The following CTNNA3 variants were observed in gnomAD, a reference collection of about 807,000 sequenced individuals.
CTNNA3 encodes catenin alpha-3.
A neutral mutation model predicts 95.7 loss-of-function variants in CTNNA3; 76 were observed. The observed-to-expected ratio is 0.79, with a 90% CI of 0.66 to 0.96. The LOEUF (loss-of-function observed/expected upper bound fraction) is 0.96. Ranked by LOEUF, CTNNA3 falls within the 40% of genes least tolerant of loss-of-function variation. CTNNA3 has a pLI of 0.00. For synonymous variants in CTNNA3, 431 were observed against 374.4 expected (o/e 1.15, Z -1.74); for missense variants, 1,191 against 1,089.8 (o/e 1.09, Z -1.31).
intron 13 of CTNNA3, among the ~76,000 whole-genome samples, chr10:66,250,228 A>C (rs1911473): frequency 3.3e-5 from 5 of 152,080 alleles, no homozygotes; most frequent in Non-Finnish European, 5.9e-5. Flanking sequence ...AATCAATTGA[A>C]TTCGTGGAGA....
intron 1 of CTNNA3, among the ~76,000 whole-genome samples, chr10:67,685,818 CTT>C (rs1208579558): frequency 6.6e-6 from 1 of 152,110 alleles, no homozygotes; most frequent in Non-Finnish European, 1.5e-5. Context: ...CTGACTCCCT[CTT>C]TGTCTCTTCC....
chr10:67,625,024 C>A (rs780993045), intron 2 of CTNNA3, among the ~76,000 whole-genome samples: 21 of 152,112 alleles, frequency 1.4e-4, no homozygotes, highest in Non-Finnish European at 2.6e-4. Context: ...TGACTTTTGA[C>A]CACGTAGGAG....
chr10:67,332,927 C>T (rs967861195), intron 5 of CTNNA3, among the ~76,000 whole-genome samples: 5 of 152,100 alleles, frequency 3.3e-5, no homozygotes, highest in African/African-American at 1.2e-4. Context: ...TGACTCTTTA[C>T]GTCAAGTCTC....
At chr10:66,895,726 G>A (rs1222423337) in intron 7 of CTNNA3, among the ~76,000 whole-genome samples, 2 of 151,952 alleles carry the variant, frequency 1.3e-5, no homozygotes, top group Non-Finnish European at 1.5e-5. Flanking sequence ...GAAGCCAGGA[G>A]GATTAATGGA....
intron 13 of CTNNA3, among the ~76,000 whole-genome samples, chr10:66,216,865 A>G (rs10996980): frequency 0.33 from 50,265 of 152,050 alleles, 9,127 homozygotes; most frequent in East Asian, 0.43. Context: ...GTATAGCTTC[A>G]TGCCATTTTA....
At chr10:66,733,190 T>C (rs1443005019) in intron 9 of CTNNA3, among the ~76,000 whole-genome samples, 2 of 152,154 alleles carry the variant, frequency 1.3e-5, no homozygotes, top group Non-Finnish European at 2.9e-5. Context: ...AAAAAACAAA[T>C]ATCTTCTTTC....
chr10:66,094,657 G>T (rs959297823), intron 14 of CTNNA3, among the ~76,000 whole-genome samples: 5 of 152,070 alleles, frequency 3.3e-5, no homozygotes, highest in Non-Finnish European at 5.9e-5. Context: ...GATTTCTTTG[G>T]TTAAAGGCAA....
rs529927922 is a variant in CTNNA3, at chr10:66,805,472, C to CAT, written c.1048-29950_1048-29949dup. Among the ~76,000 whole-genome samples the CAT allele has an allele frequency of 1.5e-3, 218 of 149,144 alleles. 1 individual carries two copies. Among genetic ancestry groups the CAT allele is most frequent in the African/African-American group, 5.2e-3 (211 of 40,852 alleles). Reference sequence around the variant, plus strand: ...TTTTTCACTTTCTGTCTCTAGATTCCATATATATACACATATATATACATA... The same window carrying CAT: ...TTTTTCACTTTCTGTCTCTAGATTCCATATATATATACACATATATATACATA... On this transcript the variant is annotated intron_variant, in intron 7 of 17. Transcript: ENST00000433211.
At chr10:66,900,282 G>A (rs1159287699) in intron 7 of CTNNA3, among the ~76,000 whole-genome samples, 1 of 152,166 alleles carries the variant, frequency 6.6e-6, no homozygotes, top group Non-Finnish European at 1.5e-5. Flanking sequence ...TGAGGGGCCT[G>A]ACTGTTACAA....
chr10:66,384,474 T>A (rs1248959916), intron 11 of CTNNA3, among the ~76,000 whole-genome samples: 2 of 152,062 alleles, frequency 1.3e-5, no homozygotes, highest in Non-Finnish European at 2.9e-5. Flanking sequence ...AGACTTAGAC[T>A]CTCATACAAT....
At chr10:67,746,886 G>T (rs925785474) in intron 1 of CTNNA3, among the ~76,000 whole-genome samples, 1 of 152,228 alleles carries the variant, frequency 6.6e-6, no homozygotes, top group African/African-American at 2.4e-5. Context: ...GCAGGAGCCA[G>T]CGGGAGAAGG....
chr10:66,678,596 T>C (rs1195878317), intron 9 of CTNNA3, among the ~76,000 whole-genome samples: 9 of 152,020 alleles, frequency 5.9e-5, no homozygotes, highest in Admixed American at 2.6e-4. Context: ...ACAGGAAGGG[T>C]CACATAAGAC....
rs924282659 is a variant in CTNNA3 at position 67,500,754 on chromosome 10, C to CT, written c.579+21087dup. ...TCAGAGACTAGGATTGCAAACCCTGCTTTTTTTTGCTTTCCATTTGCTTGG... is the reference window on the plus strand; with the variant it reads ...TCAGAGACTAGGATTGCAAACCCTGCTTTTTTTTTGCTTTCCATTTGCTTGG... On this transcript the variant is annotated intron_variant, in intron 5 of 17. Coordinates refer to ENST00000433211, the MANE Select transcript of CTNNA3 (RefSeq NM_013266.4). Among the ~76,000 whole-genome samples, 8 of 152,026 alleles carry CT rather than the reference C, an allele frequency of 5.3e-5. No homozygotes were observed. The South Asian group carries it at 1.0e-3, about 20-fold the overall frequency.
intron 3 of CTNNA3, among the ~76,000 whole-genome samples, chr10:67,565,963 T>A (rs891299135): frequency 7.7e-6 from 1 of 130,522 alleles, no homozygotes; most frequent in African/African-American, 3.0e-5. Context: ...CATCAATAGA[T>A]GAATGGATAA....
intron 15 of CTNNA3, among the ~76,000 whole-genome samples, chr10:66,045,499 A>G (rs1482377620): frequency 1.3e-5 from 2 of 152,206 alleles, no homozygotes; most frequent in African/African-American, 4.8e-5. Context: ...TATTCTATGT[A>G]GAAATATATT....
intron 7 of CTNNA3, among the ~76,000 whole-genome samples, chr10:66,978,035 GAAAT>G (rs1850151569): frequency 7.1e-6 from 1 of 141,582 alleles, no homozygotes; most frequent in Admixed American, 7.7e-5. Flanking sequence ...CATCATGAGT[GAAAT>G]AAATTTGCAC....
chr10:66,008,367 T>A (rs75208356), intron 15 of CTNNA3, among the ~76,000 whole-genome samples: 16,781 of 152,228 alleles, frequency 0.11, 1,185 homozygotes, highest in Non-Finnish European at 0.15. Context: ...AAATATGACA[T>A]TTTCCCAGAA....
chr10:67,704,015 T>A, intron 1 of CTNNA3, among the ~76,000 whole-genome samples: 1 of 152,082 alleles, frequency 6.6e-6, no homozygotes, highest in Non-Finnish European at 1.5e-5. Context: ...ATGAGTGAAC[T>A]CCCATTCACA....
chr10:66,181,739 GTTA>G (rs2086049410), intron 13 of CTNNA3, among the ~76,000 whole-genome samples: 1 of 152,076 alleles, frequency 6.6e-6, no homozygotes, highest in Non-Finnish European at 1.5e-5. Flanking sequence ...TGTTACAATT[GTTA>G]TTTTTATTTA....
Sources: allele counts gnomAD v4.1 joint callset (sites outside exome capture counted in the v4.1 genomes callset), GRCh38; gene constraint gnomAD v4.1.1; transcripts MANE v1.5; gene names NCBI Gene and HGNC (gene_info 2026-07-23, HGNC 2026-07-21).